Variants in PAXBP1 observed in about 807,000 individuals in gnomAD.
PAXBP1 encodes the protein PAX3 and PAX7 binding protein 1.
In PAXBP1, 44 loss-of-function variants were observed where a neutral mutation model predicts 119.9. That is an observed-to-expected ratio of 0.37 (90% CI 0.29 to 0.47). The LOEUF (loss-of-function observed/expected upper bound fraction) is 0.47. PAXBP1 is among the 20% of genes least tolerant of loss of function. The pLI, the probability that PAXBP1 is intolerant of heterozygous loss-of-function variation, is 0.99. For missense variants in PAXBP1, 898 were observed against 1,134.1 expected (o/e 0.79, Z 2.99); for synonymous variants, 393 against 406.6 (o/e 0.97, Z 0.40).
chr21:32,746,576 G>T (rs772676688), intron 11 of PAXBP1, among the ~76,000 whole-genome samples: 1 of 152,170 alleles, frequency 6.6e-6, no homozygotes, highest in Non-Finnish European at 1.5e-5. Context: ...CAATCAGAAT[G>T]GGAATTATTT....
At chr21:32,749,094 T>C (rs1009739426) in intron 10 of PAXBP1, among the ~76,000 whole-genome samples, 16 of 152,316 alleles carry the variant, frequency 1.1e-4, no homozygotes, top group African/African-American at 3.4e-4. Context: ...ACTAATCACA[T>C]TGCTTCATTC....
chr21:32,762,072 T>C, intron 4 of PAXBP1, 24 bp downstream of exon 4: 1 of 1,613,182 alleles, frequency 6.2e-7, no homozygotes, highest in Non-Finnish European at 8.5e-7. Flanking sequence ...GCAATAGGCT[T>C]ACTATTCAAT....
chr21:32,734,764 A>T lies in PAXBP1; in HGVS notation c.*186T>A. The stretch of plus-strand genomic sequence containing the variant: ...CAGGCAGTAAAGAAAACATTCATAG[A>T]CTCCTAGAAATAATCTGAATTCCTT... On this transcript the variant is annotated 3_prime_UTR_variant, in exon 18 of 18. Transcript: ENST00000331923. 3.3e-6 allele frequency: 2 copies of T among 606,402 alleles called. No homozygotes were observed. The highest frequency in any genetic ancestry group is 2.0e-5 in the South Asian group (1 of 50,232). 37.6% of individuals were successfully genotyped at this position (606,402 alleles called of 1,614,324 possible). A position where few individuals can be genotyped will look rare whatever the true frequency, so the allele number is the denominator to read the frequency against.
intron 15 of PAXBP1, among the ~76,000 whole-genome samples, chr21:32,741,949 C>T (rs1666465275): frequency 1.3e-5 from 2 of 152,166 alleles, no homozygotes; most frequent in Admixed American, 1.3e-4. Flanking sequence ...AAAACCAAAA[C>T]CTAACTCTGG....
intron 15 of PAXBP1, among the ~76,000 whole-genome samples, chr21:32,739,938 T>TAAAAAAAAAAAA (rs756477858): frequency 2.1e-5 from 1 of 47,006 alleles, no homozygotes; most frequent in African/African-American, 9.1e-5. Context: ...CTCGTCTCTT[T>TAAAAAAAAAAAA]AAAAAAAAAA....
intron 12 of PAXBP1, among the ~76,000 whole-genome samples, chr21:32,745,209 A>G (rs2043855111): frequency 6.6e-6 from 1 of 152,232 alleles, no homozygotes; most frequent in African/African-American, 2.4e-5. Flanking sequence ...AGTATTTAAA[A>G]TAGATTCCTG....
chr21:32,751,323 G>A (rs1348105748), intron 8 of PAXBP1, 105 bp from the exon 9 acceptor site: 18 of 993,716 alleles, frequency 1.8e-5, no homozygotes, highest in East Asian at 7.7e-5. Flanking sequence ...TAATCTCAAC[G>A]GCAAGATTCT....
chr21:32,755,157 T>C, intron 8 of PAXBP1, 73 bp downstream of exon 8: 1 of 1,254,680 alleles, frequency 8.0e-7, no homozygotes, highest in Non-Finnish European at 1.1e-6. Context: ...CCAAGATCTC[T>C]AATTTTCAAT....
intron 15 of PAXBP1, among the ~76,000 whole-genome samples, chr21:32,739,412 G>C (rs1317308095): frequency 6.6e-6 from 1 of 152,174 alleles, no homozygotes; most frequent in Non-Finnish European, 1.5e-5. Context: ...ACCTCATTGA[G>C]CCATTCTGAG....
intron 11 of PAXBP1, among the ~76,000 whole-genome samples, chr21:32,747,483 GACACTCATGCACACAGCAAA>G (rs2043892087): frequency 6.6e-6 from 1 of 152,162 alleles, no homozygotes; most frequent in South Asian, 2.1e-4. Flanking sequence ...TATCTACCAA[GACACTCATGCACACAGCAAA>G]ACTTCAGAAG....
intron 7 of PAXBP1, among the ~76,000 whole-genome samples, chr21:32,758,179 C>T (rs2146505242): frequency 6.6e-6 from 1 of 152,266 alleles, no homozygotes; most frequent in South Asian, 2.1e-4. Flanking sequence ...AAGTAATCAA[C>T]AAAGATAACA....
At chr21:32,758,874 T>C (rs2044088330) in intron 7 of PAXBP1, among the ~76,000 whole-genome samples, 2 of 152,104 alleles carry the variant, frequency 1.3e-5, no homozygotes, top group Non-Finnish European at 2.9e-5. Flanking sequence ...ATATTATCTT[T>C]ATTTCTGTTT....
rs1239118643 is a variant in PAXBP1 at position 32,745,557 on chromosome 21, G to A, written c.2068+17C>T. ...CCAGTGTGTCTGAATGCTCAATTCA[G>A]AGAACAGGAGATTTACCTGTTAGTT... On this transcript the variant is annotated intron_variant, in intron 12 of 17. Coordinates refer to ENST00000331923, the MANE Select transcript of PAXBP1 (RefSeq NM_016631.4). 1 of 1,613,392 alleles carries A rather than the reference G, an allele frequency of 6.2e-7. No individual in the cohort carries two copies. The highest frequency in any genetic ancestry group is 1.7e-5 in the Admixed American group (1 of 59,982).
At chr21:32,747,988 T>C (rs974915213) in intron 11 of PAXBP1, among the ~76,000 whole-genome samples, 3 of 151,670 alleles carry the variant, frequency 2.0e-5, no homozygotes, top group African/African-American at 4.9e-5. Context: ...GGTCTTGCTA[T>C]GTTGCCCAGG....
rs1262011812 is a variant in PAXBP1, at chr21:32,751,029, A to T, written c.1611T>A (p.Thr537=). The change falls in exon 10 of 18, where the codon ACT becomes ACA. Residue 537 remains threonine (T), a synonymous_variant. Coordinates refer to ENST00000331923, the MANE Select transcript of PAXBP1 (RefSeq NM_016631.4). ...TTTGTTCTCTGGCTTGTCTACGACG[A>T]GTCCTAAATAATAAACATCAAGTTC... ...RRIAEREARR[T]RRRQAREQTG... 1.2e-6 allele frequency: 2 copies of T among 1,613,692 alleles called. No homozygotes were observed. Among genetic ancestry groups the T allele is most frequent in the Non-Finnish European group, 1.7e-6 (2 of 1,179,874 alleles).
chr21:32,741,836 G>T (rs917073364), intron 15 of PAXBP1, among the ~76,000 whole-genome samples: 1 of 152,306 alleles, frequency 6.6e-6, no homozygotes, highest in East Asian at 1.9e-4. Context: ...GAAGGTCAAA[G>T]AAAAAGTTCT....
At chr21:32,761,714 A>G (rs984709132) in intron 4 of PAXBP1, among the ~76,000 whole-genome samples, 8 of 151,414 alleles carry the variant, frequency 5.3e-5, no homozygotes, top group African/African-American at 2.0e-4. Context: ...TGGGAGGCTG[A>G]GGCATGGTGG....
rs748862473 is a variant in PAXBP1, at chr21:32,748,723, G to GA, written c.1724-26dup. 7 of 1,592,972 alleles carry GA rather than the reference G, an allele frequency of 4.4e-6. No homozygotes were observed. In the East Asian group the frequency reaches 1.1e-4, roughly 25 times the overall value. The stretch of plus-strand genomic sequence containing the variant: ...TCTAAAAACAACAAAACCCCACAGA[G>GA]AACCATACATTAGTATGAAGTAGGA... On this transcript the variant is annotated intron_variant, in intron 10 of 17. Transcript: ENST00000331923.
chr21:32,743,043 T>G (rs779828531), intron 15 of PAXBP1: 12 of 662,680 alleles, frequency 1.8e-5, no homozygotes, highest in Admixed American at 1.0e-4. Flanking sequence ...GGACCTTACT[T>G]TGGAACTCAG....
Sources: gnomAD v4.1 joint callset for allele counts (sites outside exome capture counted in the v4.1 genomes callset) on GRCh38, gnomAD v4.1.1 for gene constraint, MANE v1.5 for transcripts, NCBI Gene and HGNC (gene_info 2026-07-23, HGNC 2026-07-21) for gene names.